Variants in GALNT9 observed in about 807,000 individuals in gnomAD.
The protein encoded by GALNT9 is polypeptide N-acetylgalactosaminyltransferase 9.
In GALNT9, 47 loss-of-function variants were observed where a neutral mutation model predicts 63.1. The ratio of observed to expected loss-of-function variants is 0.75; its 90% confidence interval spans 0.59 to 0.95. The LOEUF (loss-of-function observed/expected upper bound fraction) is 0.95, where lower values mean the gene tolerates loss of function less well. Ranked by LOEUF, GALNT9 falls within the 40% of genes least tolerant of loss-of-function variation. The probability of loss-of-function intolerance (pLI) is 0.00; values close to 1 mark genes in which losing one functional copy is unlikely to be tolerated. For synonymous variants in GALNT9, 396 were observed against 365.7 expected, an observed-to-expected ratio of 1.08 and a Z score of -0.94; for missense variants, 829 against 874.8, an observed-to-expected ratio of 0.95 and a Z score of 0.66.
rs868978312 is a variant in GALNT9, at chr12:132,319,218, G to A, written c.238+9748C>T. Among the ~76,000 whole-genome samples the A allele has an allele frequency of 3.0e-4, 45 of 152,186 alleles. No homozygotes were observed. The highest frequency in any genetic ancestry group is 3.8e-4 in the Non-Finnish European group (26 of 68,032). On this transcript the variant is annotated intron_variant, in intron 1 of 10. Coordinates refer to ENST00000328957, the MANE Select transcript of GALNT9 (RefSeq NM_001122636.2). This position sits in a 1 kb window ranked among gnomAD's most constrained non-coding sequence, Gnocchi z 5.2. ...GTATTGCTTCCAGGTGCGTCTGTGC[G>A]AGATTTGAGTCTGAATCAGGGGGCT...
In GALNT9 at chr12:132,286,447, G is replaced by A. The variant is rs1029284996; in HGVS notation, c.239-17C>T. The A allele has an allele frequency of 1.3e-6, 2 of 1,544,916 alleles. No individual in the cohort carries two copies. The highest frequency in any genetic ancestry group is 2.7e-5 in the African/African-American group (2 of 72,832). On this transcript the variant is annotated splice_polypyrimidine_tract_variant and intron_variant, in intron 1 of 10. Transcript: ENST00000328957. The surrounding 1 kb of genome is among the most constrained non-coding windows in gnomAD (Gnocchi z 7.4). Reference sequence around the variant, plus strand: ...TGGCAAGGCCTGGGGGAAAGGAAGAGAGGGAGGTCAGGCAGGCCCAGGACA... The same window carrying A: ...TGGCAAGGCCTGGGGGAAAGGAAGAAAGGGAGGTCAGGCAGGCCCAGGACA...
rs1200500687 is a variant in GALNT9, at chr12:132,282,592, T to C, written c.419+3658A>G. On this transcript the variant is annotated intron_variant, in intron 2 of 10. Transcript: ENST00000328957. The surrounding 1 kb of genome is among the most constrained non-coding windows in gnomAD (Gnocchi z 4.5). ...CCTGGAAGCTCCAAGCTCTCCCCTC[T>C]TGATGATAAGGTTGCTGCAGCTCCC... Among the ~76,000 whole-genome samples, 2 of 152,066 alleles carry C rather than the reference T, an allele frequency of 1.3e-5. No homozygotes were observed. Among genetic ancestry groups the C allele is most frequent in the Non-Finnish European group, 2.9e-5 (2 of 68,024 alleles).
chr12:132,253,837 G>A (rs1281736403), intron 5 of GALNT9, among the ~76,000 whole-genome samples: 3 of 152,132 alleles, frequency 2.0e-5, no homozygotes, highest in East Asian at 1.9e-4. Flanking sequence ...TTCTCTGCCC[G>A]GGGCAAGTGT....
chr12:132,224,674 C>T (rs1440456307), intron 6 of GALNT9, among the ~76,000 whole-genome samples: 1 of 104,136 alleles, frequency 9.6e-6, no homozygotes, highest in African/African-American at 3.6e-5. Context: ...TACCTATACA[C>T]CCCACACTAC....
Position 132,310,963 on chromosome 12 carries a change from C to A in GALNT9, c.238+18003G>T, listed in dbSNP as rs377092580. Among the ~76,000 whole-genome samples, 1 of 152,312 alleles carries A rather than the reference C, an allele frequency of 6.6e-6. No individual in the cohort carries two copies. The highest frequency in any genetic ancestry group is 1.5e-5 in the Non-Finnish European group (1 of 68,022). ...GCACCCGCTCTCCCTGGGCATGTGG[C>A]GCTGGCAGCCCAAGACAGGGACTCG... On this transcript the variant is annotated intron_variant, in intron 1 of 10. Transcript: ENST00000328957. This position sits in a 1 kb window ranked among gnomAD's most constrained non-coding sequence, Gnocchi z 4.8.
At chr12:132,321,302 C>T (rs1402212136) in intron 1 of GALNT9, among the ~76,000 whole-genome samples, 2 of 152,012 alleles carry the variant, frequency 1.3e-5, no homozygotes, top group East Asian at 3.9e-4. Context: ...CCAGCTGCTC[C>T]GGAGACCTTG....
At chr12:132,214,389 G>A (rs901712369) in intron 6 of GALNT9, among the ~76,000 whole-genome samples, 8 of 152,168 alleles carry the variant, frequency 5.3e-5, no homozygotes, top group Non-Finnish European at 8.8e-5. Context: ...TCACTAGCCC[G>A]AGAGGCCTGC....
At position 132,296,939 on chromosome 12, in the gene GALNT9, C is replaced by T. The variant is rs1341234119; in HGVS notation, c.239-10509G>A. On this transcript the variant is annotated intron_variant, in intron 1 of 10. Transcript: ENST00000328957. This position sits in a 1 kb window ranked among gnomAD's most constrained non-coding sequence, Gnocchi z 4.2. ...CCAACTCACTCCTGAAATAACAAAG[C>T]CACTCCTCAGATAACCAACACATTC... is the stretch of plus-strand genomic sequence containing the variant. 3.3e-5 allele frequency among the ~76,000 whole-genome samples: 5 copies of T among 151,730 alleles called. No homozygotes were observed. The highest frequency in any genetic ancestry group is 1.2e-4 in the African/African-American group (5 of 41,254).
chr12:132,197,743 C>A (rs1218125344), intron 10 of GALNT9, 49 bp downstream of exon 10: 1 of 1,362,206 alleles, frequency 7.3e-7, no homozygotes, highest in Admixed American at 2.0e-5. Context: ...GGGGTCCCAG[C>A]AGCCCTGCCC....
intron 5 of GALNT9, among the ~76,000 whole-genome samples, chr12:132,251,699 G>A (rs1555238592): frequency 1.3e-5 from 2 of 152,144 alleles, no homozygotes; most frequent in African/African-American, 2.4e-5. Flanking sequence ...CAAGCTGGAG[G>A]GCCCTGGGGA....
chr12:132,306,237 C>CG (rs1881609138), intron 1 of GALNT9, among the ~76,000 whole-genome samples: 1 of 152,096 alleles, frequency 6.6e-6, no homozygotes, highest in Non-Finnish European at 1.5e-5. Flanking sequence ...GGCACCTGCC[C>CG]GGGCCTCCCC....
Position 132,311,594 on chromosome 12 carries a change from C to T in GALNT9, c.238+17372G>A, listed in dbSNP as rs374171731. 1.5e-4 allele frequency among the ~76,000 whole-genome samples: 23 copies of T among 152,284 alleles called. No individual in the cohort carries two copies. The South Asian group carries it at 3.5e-3, about 23-fold the overall frequency. ...GGAAAGAGACACTGTGAGCAAGTGCCGGCAGAGAGAGCAGATGTGGACTCC... is the reference window on the plus strand; with the variant it reads ...GGAAAGAGACACTGTGAGCAAGTGCTGGCAGAGAGAGCAGATGTGGACTCC... On this transcript the variant is annotated intron_variant, in intron 1 of 10. Transcript: ENST00000328957.
rs539984897 is a variant in GALNT9, at chr12:132,271,420, C to T, written c.420-8795G>A. On this transcript the variant is annotated intron_variant, in intron 2 of 10. Coordinates refer to ENST00000328957, the MANE Select transcript of GALNT9 (RefSeq NM_001122636.2). Reference sequence around the variant, plus strand: ...GTGTTTCTTCCAGGTTTCTTTATCCCATTTTGAACCAATTTTATCACACCA... The same window carrying T: ...GTGTTTCTTCCAGGTTTCTTTATCCTATTTTGAACCAATTTTATCACACCA... 2.0e-5 allele frequency among the ~76,000 whole-genome samples: 3 copies of T among 152,304 alleles called. No homozygotes were observed. The South Asian group carries it at 6.2e-4, about 32-fold the overall frequency.
intron 9 of GALNT9, among the ~76,000 whole-genome samples, chr12:132,198,776 C>T (rs1348001772): frequency 6.6e-6 from 1 of 152,138 alleles, no homozygotes; most frequent in African/African-American, 2.4e-5. Flanking sequence ...CTCAGCCTCC[C>T]GAGCAGCTGG....
At position 132,255,492 on chromosome 12, in the gene GALNT9, C is replaced by T. The variant is rs149517256; in HGVS notation, c.959+2197G>A. Among the ~76,000 whole-genome samples the T allele has an allele frequency of 5.7e-3, 861 of 152,336 alleles. 9 individuals carry two copies. Among genetic ancestry groups the T allele is most frequent in the African/African-American group, 0.02 (813 of 41,578 alleles). On this transcript the variant is annotated intron_variant, in intron 5 of 10. Transcript: ENST00000328957. ...TGATAAGAAACATTTACAATCTCCT[C>T]CTTCTGAAGCTCCTTCTGAAGCCCG...
intron 8 of GALNT9, among the ~76,000 whole-genome samples, chr12:132,200,224 C>G (rs945062491): frequency 6.6e-6 from 1 of 152,192 alleles, no homozygotes; most frequent in Non-Finnish European, 1.5e-5. Flanking sequence ...TTTCCTTGCC[C>G]CATCCGAGTG....
chr12:132,304,918 G>T (rs1257947828), intron 1 of GALNT9, among the ~76,000 whole-genome samples: 2 of 6,938 alleles, frequency 2.9e-4, no homozygotes, highest in Admixed American at 2.0e-3. Context: ...CGCCCTCACC[G>T]GGGCACACCC....
At chr12:132,200,426 C>A (rs886551698) in intron 8 of GALNT9, 2 of 152,260 alleles carry the variant, frequency 1.3e-5, no homozygotes, top group African/African-American at 4.8e-5. Flanking sequence ...CCATTGTGTG[C>A]ATCTGTGGGG....
At chr12:132,294,283 C>A (rs1784535442) in intron 1 of GALNT9, among the ~76,000 whole-genome samples, 1 of 152,356 alleles carries the variant, frequency 6.6e-6, no homozygotes, top group South Asian at 2.1e-4. Flanking sequence ...TCGCCTCCCC[C>A]ACAGCCCCCA....
Sources: allele counts gnomAD v4.1 joint callset (sites outside exome capture counted in the v4.1 genomes callset), GRCh38; gene constraint gnomAD v4.1.1; non-coding constraint Gnocchi (gnomAD v3.1); transcripts MANE v1.5; gene names NCBI Gene and HGNC (gene_info 2026-07-23, HGNC 2026-07-21).